The following SMYD5 variants were observed in gnomAD, a reference collection of about 807,000 sequenced individuals.
SMYD5 encodes protein-lysine N-trimethyltransferase SMYD5.
Under a neutral mutation model 57.4 loss-of-function variants are expected in SMYD5, and 35 were observed. That is an observed-to-expected ratio of 0.61 (90% CI 0.47 to 0.81). SMYD5 has a LOEUF of 0.81. SMYD5 is among the 30% of genes least tolerant of loss of function. The probability of loss-of-function intolerance (pLI) is 0.00; values close to 1 mark genes in which losing one functional copy is unlikely to be tolerated. For synonymous variants in SMYD5, 198 were observed against 189.7 expected, an observed-to-expected ratio of 1.04 and a Z score of -0.36; for missense variants, 471 against 527.9, an observed-to-expected ratio of 0.89 and a Z score of 1.06.
intron 10 of SMYD5, 21 bp downstream of exon 10, chr2:73,224,024 G>A (rs376164874): frequency 8.1e-6 from 13 of 1,612,602 alleles, no homozygotes; most frequent in Non-Finnish European, 1.0e-5. Flanking sequence ...GCGTTGAGGA[G>A]GGATGGTCCC....
At position 73,223,974 on chromosome 2, in the gene SMYD5, G is replaced by C; in HGVS notation, c.911G>C (p.Gly304Ala). Residue 304 changes from glycine (G) to alanine (A), a missense_variant, in exon 10 of 13, where the codon GGA becomes GCA. By Grantham distance (60) the Gly-to-Ala change is moderately conservative. Transcript: ENST00000389501. ...ACTGGAGAGTTTCTTAACTGTGAAG[G>C]ATCTGGCCTCTTTGTGCTTCAGAGC... ...AATGEFLNCE[G>A]SGLFVLQSCC... The C allele has an allele frequency of 6.2e-7, 1 of 1,614,150 alleles. No individual in the cohort carries two copies. Among genetic ancestry groups the C allele is most frequent in the South Asian group, 1.1e-5 (1 of 91,088 alleles).
At chr2:73,222,917 G>C in intron 7 of SMYD5, 100 bp downstream of exon 7, 1 of 1,498,054 alleles carries the variant, frequency 6.7e-7, no homozygotes, top group South Asian at 1.1e-5. Context: ...AGCCAAAGCC[G>C]ACTTGGTCTT....
At chr2:73,221,788 G>C (rs763321857) in intron 5 of SMYD5, 38 bp from the exon 6 acceptor site, 23 of 1,407,042 alleles carry the variant, frequency 1.6e-5, no homozygotes, top group Admixed American at 1.3e-4. Flanking sequence ...GTGAGAAGGT[G>C]GGTATCTGTG....
In SMYD5 at chr2:73,225,655, T is replaced by G. The variant is rs141935624; in HGVS notation, c.1060T>G (p.Cys354Gly). 18 of 1,614,112 alleles carry G rather than the reference T, an allele frequency of 1.1e-5. No homozygotes were observed. The African/African-American group carries it at 1.6e-4, about 14-fold the overall frequency. The change falls in exon 12 of 13, where the codon TGC becomes GGC. Residue 354 changes from cysteine (C) to glycine (G), a missense_variant. Cys to Gly is a radical substitution (Grantham distance 159, BLOSUM62 -3). Coordinates refer to ENST00000389501, the MANE Select transcript of SMYD5 (RefSeq NM_006062.3). Reference sequence around the variant, plus strand: ...GGAAATTTGTATCAGCTACTTGGACTGCTGTCAGCGGGAGCGCAGCCGCCA... The same window carrying G: ...GGAAATTTGTATCAGCTACTTGGACGGCTGTCAGCGGGAGCGCAGCCGCCA... ...GEEICISYLD[C>G]CQRERSRHSR...
chr2:73,222,795 TC>T lies in SMYD5; in HGVS notation c.684del (p.Tyr229MetfsTer33). On this transcript the variant is annotated frameshift_variant, in exon 7 of 13. Transcript: ENST00000389501. LOFTEE classifies it high-confidence loss of function. ...ELLRRLFTEA[L>X]YEEAVSQWFT... ...CTGCGGAGACTCTTCACAGAGGCCC[TC>T]TATGAGGAAGCAGTCAGCCAGGTGA... The T allele has an allele frequency of 6.2e-7, 1 of 1,613,870 alleles. No individual in the cohort carries two copies. Among genetic ancestry groups the T allele is most frequent in the South Asian group, 1.1e-5 (1 of 91,026 alleles).
At chr2:73,225,739 G>T in intron 12 of SMYD5, 38 bp downstream of exon 12, 1 of 1,614,028 alleles carries the variant, frequency 6.2e-7, no homozygotes, top group Non-Finnish European at 8.5e-7. Flanking sequence ...CTGGGCTCTG[G>T]GGTCCTCTAC....
chr2:73,224,276 C>T (rs11893547), intron 10 of SMYD5, among the ~76,000 whole-genome samples: 14,400 of 152,256 alleles, frequency 0.095, 887 homozygotes, highest in African/African-American at 0.17. Flanking sequence ...AGGCATAGAG[C>T]TCTGATTCTT....
intron 10 of SMYD5, 67 bp from the exon 11 acceptor site, chr2:73,224,799 C>G (rs1686467128): frequency 4.8e-6 from 6 of 1,240,794 alleles, no homozygotes; most frequent in Non-Finnish European, 5.8e-6. Flanking sequence ...GGACCCAGTG[C>G]TCTGCAGAAT....
At chr2:73,220,532 C>A in intron 3 of SMYD5, 129 bp from the exon 4 acceptor site, 1 of 1,096,678 alleles carries the variant, frequency 9.1e-7, no homozygotes, top group Non-Finnish European at 1.3e-6. Flanking sequence ...ATCCCCAGAG[C>A]ACCCTATGTT....
intron 1 of SMYD5, among the ~76,000 whole-genome samples, chr2:73,215,669 C>A (rs1003906643): frequency 6.6e-6 from 1 of 152,160 alleles, no homozygotes; most frequent in Admixed American, 6.5e-5. Context: ...TTCCTTTCTT[C>A]ATTTCTTCCC....
intron 2 of SMYD5, 52 bp from the exon 3 acceptor site, chr2:73,219,999 T>C (rs1686353922): frequency 1.2e-6 from 2 of 1,612,764 alleles, no homozygotes; most frequent in South Asian, 2.2e-5. Flanking sequence ...GTGAAAGGGA[T>C]AGATGTGGCC....
chr2:73,218,999 C>T, intron 2 of SMYD5, 30 bp downstream of exon 2: 2 of 1,514,746 alleles, frequency 1.3e-6, no homozygotes, highest in Middle Eastern at 1.7e-4. Context: ...TCCTCATGGC[C>T]CAGTCGTCTT....
At chr2:73,215,978 C>T (rs1686287571) in intron 1 of SMYD5, among the ~76,000 whole-genome samples, 1 of 152,102 alleles carries the variant, frequency 6.6e-6, no homozygotes, top group South Asian at 2.1e-4. Flanking sequence ...GTTTAAATAG[C>T]ATGAGCATTA....
At chr2:73,215,374 C>T (rs1686275165) in intron 1 of SMYD5, among the ~76,000 whole-genome samples, 2 of 152,166 alleles carry the variant, frequency 1.3e-5, no homozygotes, top group Non-Finnish European at 2.9e-5. Flanking sequence ...GACGTAAGAC[C>T]TCTAGTTGTC....
intron 2 of SMYD5, 56 bp from the exon 3 acceptor site, chr2:73,219,994 AG>A: frequency 6.2e-7 from 1 of 1,611,602 alleles, no homozygotes; most frequent in Non-Finnish European, 8.5e-7. Flanking sequence ...GGGCTGTGAA[AG>A]GGATAGATGT....
intron 11 of SMYD5, 131 bp from the exon 12 acceptor site, chr2:73,225,500 C>T (rs1686482596): frequency 2.4e-6 from 2 of 817,628 alleles, no homozygotes; most frequent in South Asian, 3.2e-5. Flanking sequence ...CAGCCAGCCC[C>T]TTCACTGAAG....
chr2:73,217,191 C>G (rs1458920250), intron 1 of SMYD5, among the ~76,000 whole-genome samples: 2 of 152,102 alleles, frequency 1.3e-5, no homozygotes, highest in African/African-American at 4.8e-5. Flanking sequence ...ACCTCGTGAT[C>G]TGTCTGCCTT....
At chr2:73,220,957 C>T (rs533184375) in intron 4 of SMYD5, among the ~76,000 whole-genome samples, 175 bp downstream of exon 4, 4 of 152,292 alleles carry the variant, frequency 2.6e-5, no homozygotes, top group South Asian at 4.1e-4. Context: ...GGCTGTCAGT[C>T]TTTCTGTCCT....
intron 2 of SMYD5, 135 bp from the exon 3 acceptor site, chr2:73,219,916 C>T (rs1299359488): frequency 9.8e-7 from 1 of 1,025,302 alleles, no homozygotes; most frequent in Non-Finnish European, 1.6e-6. Context: ...TGTAATTATT[C>T]ATTTACTCAC....
Sources: gnomAD v4.1 joint callset for allele counts (sites outside exome capture counted in the v4.1 genomes callset) on GRCh38, gnomAD v4.1.1 for gene constraint, MANE v1.5 for transcripts, NCBI Gene and HGNC (gene_info 2026-07-23, HGNC 2026-07-21) for gene names.